The following SLC22A4 variants were observed in gnomAD, a reference collection of about 807,000 sequenced individuals.
SLC22A4 encodes ET transporter.
SLC22A4 carries 39 observed loss-of-function variants against 56.6 expected under a neutral mutation model. That is an observed-to-expected ratio of 0.69 (90% CI 0.53 to 0.90). The LOEUF is 0.90. Ranked by LOEUF, SLC22A4 falls within the 40% of genes least tolerant of loss-of-function variation. The probability of loss-of-function intolerance (pLI) is 0.00; values close to 1 mark genes in which losing one functional copy is unlikely to be tolerated. For synonymous variants in SLC22A4, 241 were observed against 281.4 expected, an observed-to-expected ratio of 0.86 and a Z score of 1.44; for missense variants, 594 against 696.5, an observed-to-expected ratio of 0.85 and a Z score of 1.66.
chr5:132,327,528 A>C, intron 5 of SLC22A4, 125 bp downstream of exon 5: 1 of 741,246 alleles, frequency 1.3e-6, no homozygotes, highest in Non-Finnish European at 2.3e-6. Context: ...CCTTAGGAAC[A>C]CAATCATGAT....
At chr5:132,318,988 G>C (rs1750444319) in intron 3 of SLC22A4, among the ~76,000 whole-genome samples, 1 of 152,112 alleles carries the variant, frequency 6.6e-6, no homozygotes, top group Non-Finnish European at 1.5e-5. Flanking sequence ...TTCTCTCCTA[G>C]CATTACTCAG....
At chr5:132,301,694 C>T (rs1749911599) in intron 1 of SLC22A4, among the ~76,000 whole-genome samples, 1 of 152,238 alleles carries the variant, frequency 6.6e-6, no homozygotes, top group Non-Finnish European at 1.5e-5. Context: ...AATAATGAAA[C>T]AGACTAACCC....
At chr5:132,312,407 G>C in intron 2 of SLC22A4, 143 bp downstream of exon 2, 1 of 688,076 alleles carries the variant, frequency 1.5e-6, no homozygotes, top group South Asian at 1.6e-5. Flanking sequence ...GAGGAGCCCC[G>C]ATGTCTCCTA....
At position 132,327,355 on chromosome 5, in the gene SLC22A4, A is replaced by C. The variant is rs1750717193; in HGVS notation, c.903A>C (p.Ala301=). 6.2e-7 allele frequency: 1 copy of C among 1,612,546 alleles called. No individual in the cohort carries two copies. The highest frequency in any genetic ancestry group is 8.5e-7 in the Non-Finnish European group (1 of 1,178,528). ...REAEDIIQKA[A]KMNNIAVPAV... is the part of the protein sequence containing the mutation. ...CTGAAGATATCATCCAAAAAGCTGCAAAAATGAACAACATAGCTGTACCAG... is the reference window on the plus strand; with the variant it reads ...CTGAAGATATCATCCAAAAAGCTGCCAAAATGAACAACATAGCTGTACCAG... The change falls in exon 5 of 10, where the codon GCA becomes GCC. Residue 301 remains alanine (A), a synonymous_variant. Coordinates refer to ENST00000200652, the MANE Select transcript of SLC22A4 (RefSeq NM_003059.3).
chr5:132,306,387 ATATATATATAT>A (rs1561535731), intron 1 of SLC22A4, among the ~76,000 whole-genome samples: 5 of 21,160 alleles, frequency 2.4e-4, no homozygotes, highest in African/African-American at 1.2e-3. Flanking sequence ...ACCGTGAAAT[ATATATATATAT>A]ATATATATAT....
At position 132,308,372 on chromosome 5, in the gene SLC22A4, ATTTTTTTTTTTTTTT is replaced by A. The variant is rs56259514; in HGVS notation, c.394-3766_394-3752del. Among the ~76,000 whole-genome samples the A allele has an allele frequency of 3.3e-3, 204 of 61,324 alleles. 3 individuals are homozygous for A. Among genetic ancestry groups the A allele is most frequent in the Middle Eastern group, 0.024 (2 of 82 alleles). 40.2% of individuals were successfully genotyped at this position (61,324 alleles called of 152,430 possible). On this transcript the variant is annotated intron_variant, in intron 1 of 9. Coordinates refer to ENST00000200652, the MANE Select transcript of SLC22A4 (RefSeq NM_003059.3). ...TGTCAGTTGAATCAATGATTAAGCAATTTTTTTTTTTTTTTTTTTTTTTTTTTTTTTTTTTTTACC... is the reference window on the plus strand; with the variant it reads ...TGTCAGTTGAATCAATGATTAAGCAATTTTTTTTTTTTTTTTTTTTTTACC...
At chr5:132,308,112 C>T (rs1037534200) in intron 1 of SLC22A4, among the ~76,000 whole-genome samples, 3 of 152,210 alleles carry the variant, frequency 2.0e-5, no homozygotes, top group Admixed American at 6.5e-5. Context: ...GGTTTTAGAA[C>T]TCTGTCCTTC....
chr5:132,328,303 C>T (rs913273668), intron 5 of SLC22A4, among the ~76,000 whole-genome samples: 1 of 152,134 alleles, frequency 6.6e-6, no homozygotes, highest in African/African-American at 2.4e-5. Context: ...ACTGTGGTGG[C>T]TTCAGTAACA....
intron 5 of SLC22A4, among the ~76,000 whole-genome samples, chr5:132,329,602 C>T (rs929526899): frequency 5.9e-5 from 9 of 152,058 alleles, no homozygotes; most frequent in Non-Finnish European, 1.2e-4. Context: ...CTCTTAACAA[C>T]TGTGATTTTT....
At chr5:132,338,693 T>C (rs1751105383) in intron 8 of SLC22A4, among the ~76,000 whole-genome samples, 1 of 152,236 alleles carries the variant, frequency 6.6e-6, no homozygotes, top group South Asian at 2.1e-4. Flanking sequence ...CCATTTACTT[T>C]TGAAAGAAGA....
At chr5:132,314,836 G>A (rs1021209659) in intron 3 of SLC22A4, among the ~76,000 whole-genome samples, 73 of 152,196 alleles carry the variant, frequency 4.8e-4, no homozygotes, top group African/African-American at 1.6e-3. Context: ...GAAGAGCCCC[G>A]TGCCATGGGC....
intron 1 of SLC22A4, among the ~76,000 whole-genome samples, chr5:132,301,182 C>T (rs1224953640): frequency 6.6e-6 from 1 of 152,252 alleles, no homozygotes; most frequent in Non-Finnish European, 1.5e-5. Context: ...TGGCCTTTGC[C>T]TCAAGCATGT....
At position 132,331,772 on chromosome 5, in the gene SLC22A4, A is replaced by G; in HGVS notation, c.968A>G (p.Lys323Arg). Residue 323 changes from lysine to arginine, a missense_variant, in exon 6 of 10, where the codon AAG becomes AGG. Lys to Arg is a conservative substitution (Grantham distance 26, BLOSUM62 2). Coordinates refer to ENST00000200652, the MANE Select transcript of SLC22A4 (RefSeq NM_003059.3). Reference sequence around the variant, plus strand: ...TGGTTACAGGAGCTAAATCCCCTGAAGCAGCAGAAAGCTTTCATTCTGGAC... The same window carrying G: ...TGGTTACAGGAGCTAAATCCCCTGAGGCAGCAGAAAGCTTTCATTCTGGAC... The part of the protein sequence containing the change: ...FDSVEELNPL[K>R]QQKAFILDLF... 1 of 1,613,442 alleles carries G rather than the reference A, an allele frequency of 6.2e-7. No individual in the cohort carries two copies. The highest frequency in any genetic ancestry group is 8.5e-7 in the Non-Finnish European group (1 of 1,179,352).
chr5:132,338,572 C>G (rs779970917), intron 8 of SLC22A4, among the ~76,000 whole-genome samples: 1 of 152,100 alleles, frequency 6.6e-6, no homozygotes, highest in Non-Finnish European at 1.5e-5. Context: ...CAGCTACAAC[C>G]GTAAAAGACA....
chr5:132,299,368 A>G (rs1267471640), intron 1 of SLC22A4, among the ~76,000 whole-genome samples: 2 of 151,730 alleles, frequency 1.3e-5, no homozygotes, highest in African/African-American at 4.9e-5. Flanking sequence ...CAACCTGTGC[A>G]GTTACTAAGA....
chr5:132,329,594 C>G (rs1333717185), intron 5 of SLC22A4, among the ~76,000 whole-genome samples: 1 of 152,026 alleles, frequency 6.6e-6, no homozygotes, highest in Non-Finnish European at 1.5e-5. Flanking sequence ...AGTACATGCT[C>G]TTAACAACTG....
At chr5:132,308,239 T>C (rs971375906) in intron 1 of SLC22A4, among the ~76,000 whole-genome samples, 2 of 152,182 alleles carry the variant, frequency 1.3e-5, no homozygotes, top group Non-Finnish European at 2.9e-5. Flanking sequence ...CATGCACATG[T>C]GCACATCTGT....
chr5:132,332,771 G>T (rs1750905023), intron 6 of SLC22A4, among the ~76,000 whole-genome samples: 1 of 121,318 alleles, frequency 8.2e-6, no homozygotes, highest in East Asian at 2.1e-4. Flanking sequence ...CACACACGAT[G>T]ATCGTCAGAA....
chr5:132,311,962 C>T (rs1349592808), intron 1 of SLC22A4, 199 bp from the exon 2 acceptor site: 1 of 642,824 alleles, frequency 1.6e-6, no homozygotes. Flanking sequence ...AGTGACCTGC[C>T]CCAGGTTACT....
Sources: allele counts gnomAD v4.1 joint callset (sites outside exome capture counted in the v4.1 genomes callset), GRCh38; gene constraint gnomAD v4.1.1; transcripts MANE v1.5; gene names NCBI Gene and HGNC (gene_info 2026-07-23, HGNC 2026-07-21).